COA1: variants seen among roughly 807,000 people sequenced by gnomAD.
The protein encoded by COA1 is cytochrome c oxidase assembly factor 1, also known as cytochrome c oxidase assembly factor 1 homolog.
In COA1, 13 loss-of-function variants were observed where a neutral mutation model predicts 16.0. That is an observed-to-expected ratio of 0.81 (90% CI 0.53 to 1.29). The LOEUF is 1.29. Among genes scored for constraint, COA1 ranks in the 50% most tolerant of loss-of-function variants. COA1 has a pLI of 0.00. For synonymous variants in COA1, 65 were observed against 65.7 expected (o/e 0.99, Z 0.05); for missense variants, 179 against 177.0 (o/e 1.01, Z -0.06).
chr7:43,644,817 G>GAGAGAGAGAGAGAGAGAGAGAGAGAGAC (rs1245137600), intron 4 of COA1, among the ~76,000 whole-genome samples: 1,507 of 126,628 alleles, frequency 0.012, 121 homozygotes, highest in Middle Eastern at 0.024. Context: ...GAGAGAGAGA[G>GAGAGAGAGAGAGAGAGAGAGAGAGAGAC]AGAGAGAGAG....
chr7:43,715,615 CATGTTG>C (rs1201586054), intron 1 of COA1, among the ~76,000 whole-genome samples: 1 of 152,124 alleles, frequency 6.6e-6, no homozygotes, highest in East Asian at 1.9e-4. Flanking sequence ...GTTCTCATTT[CATGTTG>C]AAGTATCCCA....
At chr7:43,691,409 A>G (rs1226993737) in intron 1 of COA1, among the ~76,000 whole-genome samples, 4 of 121,652 alleles carry the variant, frequency 3.3e-5, no homozygotes, top group Non-Finnish European at 7.0e-5. Flanking sequence ...GGAAGGAAGG[A>G]AGGAAGAAAG....
intron 1 of COA1, among the ~76,000 whole-genome samples, chr7:43,692,507 G>C (rs1286973080): frequency 6.6e-6 from 1 of 151,766 alleles, no homozygotes; most frequent in Non-Finnish European, 1.5e-5. Flanking sequence ...AACACAGCAA[G>C]ACCCTGTCTT....
intron 1 of COA1, among the ~76,000 whole-genome samples, chr7:43,687,878 T>A (rs1298384903): frequency 6.6e-6 from 1 of 152,072 alleles, no homozygotes; most frequent in Non-Finnish European, 1.5e-5. Context: ...CCAAATCTCA[T>A]CTTGAATTCT....
intron 4 of COA1, 112 bp downstream of exon 4, chr7:43,645,131 TAGCTTTAC>T: frequency 1.3e-6 from 1 of 784,592 alleles, no homozygotes; most frequent in South Asian, 3.2e-5. Flanking sequence ...GTGCCAAACC[TAGCTTTAC>T]TTAGTGGATT....
At chr7:43,609,306 T>C (rs2082667916) in exon 7 of COA1, 1 of 152,296 alleles carries the variant, frequency 6.6e-6, no homozygotes, top group Admixed American at 6.5e-5. Flanking sequence ...AGATTCACTC[T>C]GATTACACCA....
intron 1 of COA1, among the ~76,000 whole-genome samples, chr7:43,706,725 C>T (rs1479206093): frequency 2.6e-5 from 4 of 151,604 alleles, no homozygotes; most frequent in African/African-American, 9.7e-5. Context: ...GAAAAATTAG[C>T]TGGGCATGGT....
chr7:43,630,680 C>T (rs2085089112), intron 6 of COA1, among the ~76,000 whole-genome samples: 2 of 152,114 alleles, frequency 1.3e-5, no homozygotes, highest in Non-Finnish European at 2.9e-5. Flanking sequence ...GCAATAGTTA[C>T]AGACTTACAG....
chr7:43,652,938 GA>G (rs891452012), intron 1 of COA1, among the ~76,000 whole-genome samples: 1 of 151,556 alleles, frequency 6.6e-6, no homozygotes, highest in African/African-American at 2.4e-5. Flanking sequence ...CAATAGAGAT[GA>G]AAAAAGTAAG....
chr7:43,664,103 A>AAAAGAGAGAGAG (rs1554520108), intron 1 of COA1, among the ~76,000 whole-genome samples: 1 of 135,232 alleles, frequency 7.4e-6, no homozygotes, highest in African/African-American at 3.0e-5. Context: ...TGTCTTTAGA[A>AAAAGAGAGAGAG]AGAGAGAGAG....
At chr7:43,723,345 T>A (rs994038907) in intron 1 of COA1, among the ~76,000 whole-genome samples, 1 of 152,076 alleles carries the variant, frequency 6.6e-6, no homozygotes. Context: ...AGGAGAATAG[T>A]TGAAAAAAGA....
At chr7:43,619,667 G>T in intron 6 of COA1, 1 of 1,614,106 alleles carries the variant, frequency 6.2e-7, no homozygotes, top group South Asian at 1.1e-5. Flanking sequence ...GGCCTTTCAA[G>T]AATATTGAAG....
In COA1 at chr7:43,656,820, A is replaced by AAAAAGAAAAGAAAAG. The variant is rs141367829; in HGVS notation, c.-38-8183_-38-8169dup. On this transcript the variant is annotated intron_variant, in intron 1 of 5. Coordinates refer to ENST00000223336, the MANE Select transcript of COA1 (RefSeq NM_018224.4). ...AAACTACCACCTACCGCAAATATTA[A>AAAAAGAAAAGAAAAG]AAAAGAAAAGAAAAGAAAAGAAAAG... Among the ~76,000 whole-genome samples the AAAAAGAAAAGAAAAG allele has an allele frequency of 8.0e-3, 1,222 of 151,810 alleles. 10 individuals are homozygous for AAAAAGAAAAGAAAAG. Among genetic ancestry groups the AAAAAGAAAAGAAAAG allele is most frequent in the Admixed American group, 0.013 (200 of 15,214 alleles).
intron 1 of COA1, among the ~76,000 whole-genome samples, chr7:43,675,562 GCA>G (rs1421625446): frequency 3.6e-4 from 55 of 151,798 alleles, no homozygotes; most frequent in Non-Finnish European, 6.8e-4. Context: ...TAACAAACCT[GCA>G]CATTGTGCAC....
intron 1 of COA1, among the ~76,000 whole-genome samples, chr7:43,677,474 A>G (rs1420066188): frequency 1.3e-5 from 2 of 152,208 alleles, no homozygotes; most frequent in Non-Finnish European, 2.9e-5. Context: ...GAATGCTTTA[A>G]TGATTCCCAT....
intron 1 of COA1, among the ~76,000 whole-genome samples, chr7:43,682,199 C>G (rs114112696): frequency 6.6e-6 from 1 of 152,168 alleles, no homozygotes; most frequent in African/African-American, 2.4e-5. Context: ...CCACGTTAAT[C>G]TCCTGTTTTA....
At chr7:43,691,421 AAAAGAAAGAAAGAAAG>A (rs375210311) in intron 1 of COA1, among the ~76,000 whole-genome samples, 6,317 of 87,136 alleles carry the variant, frequency 0.072, 294 homozygotes, top group South Asian at 0.087. Context: ...GGAAGAAAGA[AAAAGAAAGAAAGAAAG>A]AAAGAAAGAA....
chr7:43,675,387 C>T (rs1364688208), intron 1 of COA1, among the ~76,000 whole-genome samples: 3 of 151,162 alleles, frequency 2.0e-5, no homozygotes, highest in Non-Finnish European at 2.9e-5. Flanking sequence ...ACAATGAGAA[C>T]ACATGGACAC....
intron 2 of COA1, 63 bp downstream of exon 2, chr7:43,648,534 ATTG>A (rs1300098304): frequency 6.5e-7 from 1 of 1,548,666 alleles, no homozygotes; most frequent in Non-Finnish European, 8.9e-7. Context: ...ACTTTCTTCT[ATTG>A]TCTAACTCGA....
Sources: gnomAD v4.1 joint callset for allele counts (sites outside exome capture counted in the v4.1 genomes callset) on GRCh38, gnomAD v4.1.1 for gene constraint, MANE v1.5 for transcripts, NCBI Gene and HGNC (gene_info 2026-07-23, HGNC 2026-07-21) for gene names.